The following TRIO variants were observed in gnomAD, a reference collection of about 807,000 sequenced individuals.
The protein encoded by TRIO is triple functional domain protein.
TRIO carries 58 observed loss-of-function variants against 351.9 expected under a neutral mutation model. The ratio of observed to expected loss-of-function variants is 0.16; its 90% confidence interval spans 0.13 to 0.21. TRIO has a LOEUF of 0.21. Ranked by LOEUF, TRIO falls within the 10% of genes least tolerant of loss-of-function variation. TRIO has a pLI of 1.00. For synonymous variants in TRIO, 1,758 were observed against 1,595.7 expected, an observed-to-expected ratio of 1.10 and a Z score of -2.42; for missense variants, 3,201 against 4,027.8, an observed-to-expected ratio of 0.79 and a Z score of 5.56.
At chr5:14,168,060 C>T (rs1788877531) in intron 1 of TRIO, among the ~76,000 whole-genome samples, 1 of 152,164 alleles carries the variant, frequency 6.6e-6, no homozygotes, top group Non-Finnish European at 1.5e-5. Flanking sequence ...GAAATTAGTA[C>T]TCTTAAGAAT....
At chr5:14,385,161 G>A (rs1746429430) in intron 21 of TRIO, among the ~76,000 whole-genome samples, 2 of 152,220 alleles carry the variant, frequency 1.3e-5, no homozygotes, top group Non-Finnish European at 2.9e-5. Flanking sequence ...GGCCTCCGGT[G>A]GCATCTTCCT....
chr5:14,264,988 T>C (rs932774278), intron 1 of TRIO, among the ~76,000 whole-genome samples: 1 of 152,258 alleles, frequency 6.6e-6, no homozygotes, highest in African/African-American at 2.4e-5. Context: ...CAGTTTACTA[T>C]TTAACCTTCT....
At chr5:14,345,896 T>C (rs1419588056) in intron 11 of TRIO, among the ~76,000 whole-genome samples, 2 of 152,250 alleles carry the variant, frequency 1.3e-5, no homozygotes, top group African/African-American at 2.4e-5. Context: ...CTATTTCTTA[T>C]TTTGTTACTC....
rs527876839 is a variant in TRIO, at chr5:14,172,770, C to T, written c.157+28888C>T. 2.0e-5 allele frequency among the ~76,000 whole-genome samples: 3 copies of T among 152,262 alleles called. No homozygotes were observed. In the South Asian group the frequency reaches 6.2e-4, roughly 32 times the overall value. On this transcript the variant is annotated intron_variant, in intron 1 of 56. Coordinates refer to ENST00000344204, the MANE Select transcript of TRIO (RefSeq NM_007118.4). ...GAGGGATAAGTAATCCCATCCTTTA[C>T]GGAACATATTTTTTGGAGGTGGAAC... is the stretch of plus-strand genomic sequence containing the variant.
intron 34 of TRIO, among the ~76,000 whole-genome samples, chr5:14,423,339 G>A (rs961156812): frequency 6.6e-5 from 10 of 152,190 alleles, no homozygotes; most frequent in African/African-American, 2.4e-4. Flanking sequence ...GTAGTACGTG[G>A]GCTCACTGTT....
At chr5:14,194,928 T>C (rs1297106960) in intron 1 of TRIO, among the ~76,000 whole-genome samples, 1 of 152,248 alleles carries the variant, frequency 6.6e-6, no homozygotes, top group African/African-American at 2.4e-5. Context: ...TTTGCACATG[T>C]ATCACCTAGA....
At chr5:14,485,691 A>G (rs893143087) in intron 47 of TRIO, among the ~76,000 whole-genome samples, 4 of 152,192 alleles carry the variant, frequency 2.6e-5, no homozygotes, top group Non-Finnish European at 4.4e-5. Flanking sequence ...CCCATTAAAA[A>G]AATAAGAGAT....
intron 9 of TRIO, among the ~76,000 whole-genome samples, chr5:14,321,972 C>T (rs548232793): frequency 6.6e-6 from 1 of 152,292 alleles, no homozygotes; most frequent in South Asian, 2.1e-4. Flanking sequence ...TGATCTGTGA[C>T]TCCATTAAAT....
intron 1 of TRIO, among the ~76,000 whole-genome samples, chr5:14,199,891 C>A (rs890342173): frequency 2.0e-5 from 3 of 152,120 alleles, no homozygotes; most frequent in Non-Finnish European, 4.4e-5. Context: ...AGGTCAGGGC[C>A]AGGTCTGTTA....
At chr5:14,439,825 C>G (rs1227777793) in intron 34 of TRIO, among the ~76,000 whole-genome samples, 1 of 152,164 alleles carries the variant, frequency 6.6e-6, no homozygotes, top group African/African-American at 2.4e-5. Flanking sequence ...ATGCCAGACT[C>G]CCCTCTGCAG....
At chr5:14,457,136 A>C (rs1477489759) in intron 34 of TRIO, among the ~76,000 whole-genome samples, 1 of 152,148 alleles carries the variant, frequency 6.6e-6, no homozygotes, top group Admixed American at 6.5e-5. Flanking sequence ...CTGAAACAAA[A>C]TTTTTCTCAA....
intron 54 of TRIO, among the ~76,000 whole-genome samples, 191 bp from the exon 55 acceptor site, chr5:14,504,202 G>A (rs1757493666): frequency 6.6e-6 from 1 of 152,230 alleles, no homozygotes; most frequent in Non-Finnish European, 1.5e-5. Context: ...GCAGAACCGC[G>A]TGGCTGCGGG....
At chr5:14,304,044 C>T (rs897477661) in intron 7 of TRIO, among the ~76,000 whole-genome samples, 1 of 152,126 alleles carries the variant, frequency 6.6e-6, no homozygotes, top group African/African-American at 2.4e-5. Flanking sequence ...AAGGAGCATC[C>T]TGCTATTGAG....
At chr5:14,388,496 TGATC>T (rs1345683689) in intron 23 of TRIO, 113 bp from the exon 24 acceptor site, 1 of 996,426 alleles carries the variant, frequency 1.0e-6, no homozygotes, top group South Asian at 1.6e-5. Flanking sequence ...CTCTCCAAAA[TGATC>T]AATCTAAGAC....
intron 1 of TRIO, among the ~76,000 whole-genome samples, chr5:14,182,956 C>T (rs986679563): frequency 4.6e-5 from 7 of 151,866 alleles, no homozygotes; most frequent in East Asian, 3.9e-4. Context: ...CTGGCTGTAG[C>T]GCATCATCCT....
In TRIO at chr5:14,499,763, A is replaced by C. The variant is rs554275519; in HGVS notation, c.8332+1123A>C. ...AAGCTAAAGGACTTTAGAAAGGTAT[A>C]CTATTCAGCTGGGCGTAGTGGCTCA... is the stretch of plus-strand genomic sequence containing the variant. On this transcript the variant is annotated intron_variant, in intron 53 of 56. Coordinates refer to ENST00000344204, the MANE Select transcript of TRIO (RefSeq NM_007118.4). 5.9e-5 allele frequency among the ~76,000 whole-genome samples: 9 copies of C among 152,196 alleles called. No individual in the cohort carries two copies. In the South Asian group the frequency reaches 1.2e-3, roughly 21 times the overall value.
intron 54 of TRIO, among the ~76,000 whole-genome samples, chr5:14,503,547 C>A (rs1323792730): frequency 6.6e-6 from 1 of 152,218 alleles, no homozygotes; most frequent in African/African-American, 2.4e-5. Flanking sequence ...TGGCCTCTTT[C>A]CACATCGACT....
chr5:14,183,891 C>G, intron 1 of TRIO: 1 of 691,338 alleles, frequency 1.4e-6, no homozygotes, highest in Non-Finnish European at 2.6e-6. Context: ...TGTTTTACTT[C>G]GATTTTATTT....
chr5:14,223,521 A>G (rs1202063665), intron 1 of TRIO, among the ~76,000 whole-genome samples: 2 of 152,140 alleles, frequency 1.3e-5, no homozygotes, highest in African/African-American at 4.8e-5. Flanking sequence ...CGGTGGAGCA[A>G]CTAGCCTAGG....
Sources: gnomAD v4.1 joint callset for allele counts (sites outside exome capture counted in the v4.1 genomes callset) on GRCh38, gnomAD v4.1.1 for gene constraint, MANE v1.5 for transcripts, NCBI Gene and HGNC (gene_info 2026-07-23, HGNC 2026-07-21) for gene names.